The following NRXN1 variants were observed in gnomAD, a reference collection of about 807,000 sequenced individuals.
The protein encoded by NRXN1 is neurexin-1.
In NRXN1, 39 loss-of-function variants were observed where a neutral mutation model predicts 150.9. The observed-to-expected ratio is 0.26, with a 90% CI of 0.20 to 0.34. The LOEUF is 0.34. NRXN1 is among the 10% of genes least tolerant of loss of function. The probability of loss-of-function intolerance (pLI) is 1.00; values close to 1 mark genes in which losing one functional copy is unlikely to be tolerated. For synonymous variants in NRXN1, 924 were observed against 757.0 expected (o/e 1.22, Z -3.62); for missense variants, 1,815 against 1,949.9 (o/e 0.93, Z 1.30).
chr2:50,124,659 T>A (rs1704321522), intron 18 of NRXN1, among the ~76,000 whole-genome samples: 1 of 152,092 alleles, frequency 6.6e-6, no homozygotes, highest in Admixed American at 6.6e-5. Context: ...CCCCTGACAA[T>A]CATTCATCAG....
At chr2:49,937,106 TATCTCCTA>T (rs1030114342) in intron 22 of NRXN1, among the ~76,000 whole-genome samples, 1 of 152,226 alleles carries the variant, frequency 6.6e-6, no homozygotes, top group Non-Finnish European at 1.5e-5. Context: ...ATAGCGCCCC[TATCTCCTA>T]ATTTCTGTGG....
chr2:50,283,791 T>A (rs539061058), intron 17 of NRXN1, among the ~76,000 whole-genome samples: 1 of 152,168 alleles, frequency 6.6e-6, no homozygotes, highest in Non-Finnish European at 1.5e-5. Context: ...TGTATTTCAA[T>A]GGACATCTCC....
Position 49,919,928 on chromosome 2 carries a change from A to AT in NRXN1, c.*2015dup, listed in dbSNP as rs998145158. ...TAAAGTATCACAAAAGATGTTTTGCATTTTTTGCCTTTGCTGATTAAAGCT... is the reference window on the plus strand; with the variant it reads ...TAAAGTATCACAAAAGATGTTTTGCATTTTTTTGCCTTTGCTGATTAAAGCT... On this transcript the variant is annotated 3_prime_UTR_variant, in exon 23 of 23. Transcript: ENST00000401669. The AT allele has an allele frequency of 1.3e-5, 2 of 151,962 alleles. No homozygotes were observed. Among genetic ancestry groups the AT allele is most frequent in the African/African-American group, 4.8e-5 (2 of 41,366 alleles). 9.4% of individuals were successfully genotyped at this position (151,962 alleles called of 1,614,324 possible). A position where few individuals can be genotyped will look rare whatever the true frequency, so the allele number is the denominator to read the frequency against.
intron 5 of NRXN1, among the ~76,000 whole-genome samples, chr2:50,861,391 T>A (rs1421485141): frequency 6.6e-6 from 1 of 152,100 alleles, no homozygotes; most frequent in Non-Finnish European, 1.5e-5. Context: ...GTACTTTATT[T>A]AGTTTCAAAC....
intron 5 of NRXN1, among the ~76,000 whole-genome samples, chr2:50,848,153 G>T (rs1673964550): frequency 6.6e-6 from 1 of 152,222 alleles, no homozygotes; most frequent in African/African-American, 2.4e-5. Flanking sequence ...CTGCCATGGG[G>T]TCAGAGCCCC....
intron 5 of NRXN1, among the ~76,000 whole-genome samples, chr2:50,841,297 G>A (rs1439225321): frequency 2.0e-5 from 3 of 152,234 alleles, no homozygotes; most frequent in African/African-American, 7.2e-5. Flanking sequence ...TATTGTTGAA[G>A]GAATTTGAAA....
chr2:50,583,811 G>A (rs1305042453), intron 8 of NRXN1, among the ~76,000 whole-genome samples: 1 of 152,172 alleles, frequency 6.6e-6, no homozygotes, highest in Non-Finnish European at 1.5e-5. Flanking sequence ...AGTTAGCCAT[G>A]CCTCTGGCAC....
intron 17 of NRXN1, among the ~76,000 whole-genome samples, chr2:50,448,851 T>A (rs2086704571): frequency 6.6e-6 from 1 of 151,996 alleles, no homozygotes; most frequent in Non-Finnish European, 1.5e-5. Flanking sequence ...AATAGAGCAA[T>A]TCTAACACTA....
intron 21 of NRXN1, chr2:49,974,250 A>G (rs1379005252): frequency 1.6e-6 from 1 of 643,310 alleles, no homozygotes; most frequent in South Asian, 1.6e-5. Context: ...CTGACGCACT[A>G]CGGCAGGAAG....
chr2:50,736,487 T>C (rs1285036422), intron 5 of NRXN1, among the ~76,000 whole-genome samples: 1 of 152,110 alleles, frequency 6.6e-6, no homozygotes, highest in Non-Finnish European at 1.5e-5. Flanking sequence ...CCAAATCTTA[T>C]CTTGAATTGC....
At chr2:50,246,604 A>G (rs983132963) in intron 17 of NRXN1, among the ~76,000 whole-genome samples, 8 of 151,996 alleles carry the variant, frequency 5.3e-5, no homozygotes, top group Non-Finnish European at 1.2e-4. Flanking sequence ...AGAAGGGAAT[A>G]TTAGTTTTTG....
chr2:50,803,354 G>T (rs1209110377), intron 5 of NRXN1, among the ~76,000 whole-genome samples: 1 of 152,122 alleles, frequency 6.6e-6, no homozygotes, highest in African/African-American at 2.4e-5. Flanking sequence ...GACTGGAGGA[G>T]AAACTAATTC....
At chr2:50,876,638 T>G (rs1678633083) in intron 5 of NRXN1, among the ~76,000 whole-genome samples, 1 of 151,784 alleles carries the variant, frequency 6.6e-6, no homozygotes, top group African/African-American at 2.4e-5. Context: ...CACATCTCAT[T>G]ATGGTAAGAA....
chr2:51,022,515 C>T (rs1669776344), intron 2 of NRXN1, among the ~76,000 whole-genome samples: 1 of 152,024 alleles, frequency 6.6e-6, no homozygotes, highest in Non-Finnish European at 1.5e-5. Context: ...ACCTCATAGT[C>T]AAAATAAACT....
chr2:50,445,718 T>C (rs908233614), intron 17 of NRXN1, among the ~76,000 whole-genome samples: 1 of 152,148 alleles, frequency 6.6e-6, no homozygotes, highest in African/African-American at 2.4e-5. Flanking sequence ...CCTTAAGCAA[T>C]GACATATGAA....
chr2:50,361,478 TA>T, intron 17 of NRXN1, among the ~76,000 whole-genome samples: 1 of 152,224 alleles, frequency 6.6e-6, no homozygotes, highest in East Asian at 1.9e-4. Context: ...AAGAACACTA[TA>T]AACACCTCTA....
At chr2:50,195,566 A>G (rs1207325481) in intron 18 of NRXN1, among the ~76,000 whole-genome samples, 8 of 152,246 alleles carry the variant, frequency 5.3e-5, no homozygotes, top group Non-Finnish European at 1.0e-4. Flanking sequence ...TTACAAGTCT[A>G]TTCATCATGG....
intron 17 of NRXN1, among the ~76,000 whole-genome samples, chr2:50,254,303 C>CTTTTT (rs3080643): frequency 6.7e-6 from 1 of 149,430 alleles, no homozygotes; most frequent in Admixed American, 6.7e-5. Context: ...ATTATTTTCT[C>CTTTTT]TTTTTTTTTA....
intron 17 of NRXN1, among the ~76,000 whole-genome samples, chr2:50,277,605 C>T (rs193059512): frequency 2.2e-4 from 33 of 151,916 alleles, no homozygotes; most frequent in African/African-American, 6.5e-4. Flanking sequence ...AGTGTCTAGA[C>T]CATCTTTGTT....
Sources: allele counts gnomAD v4.1 joint callset (sites outside exome capture counted in the v4.1 genomes callset), GRCh38; gene constraint gnomAD v4.1.1; transcripts MANE v1.5; gene names NCBI Gene and HGNC (gene_info 2026-07-23, HGNC 2026-07-21).